The following SYT5 variants were observed in gnomAD, a reference collection of about 807,000 sequenced individuals.
The protein encoded by SYT5 is synaptotagmin 5, also known as synaptotagmin-5.
In SYT5, 29 loss-of-function variants were observed where a neutral mutation model predicts 36.0. The observed-to-expected ratio is 0.81, with a 90% CI of 0.60 to 1.10. The LOEUF is 1.10. Ranked by LOEUF, SYT5 falls within the 50% of genes least tolerant of loss-of-function variation. SYT5 has a pLI of 0.00. For missense variants in SYT5, 512 were observed against 516.0 expected (o/e 0.99, Z 0.08); for synonymous variants, 231 against 227.6 (o/e 1.02, Z -0.14).
chr19:55,173,931 G>C lies in SYT5; in HGVS notation c.961-247C>G. 2.4e-6 allele frequency: 1 copy of C among 408,776 alleles called. No homozygotes were observed. Among genetic ancestry groups the C allele is most frequent in the African/African-American group, 2.1e-5 (1 of 48,718 alleles). The allele number at this position is 408,776 out of a possible 1,614,324, so 25.3% of individuals were successfully genotyped here. ...AAATGAACCCTCAGGACTCGGTTGC[G>C]GAGCGGGTGTGTTCGGCGCCTCCTG... On this transcript the variant is annotated intron_variant, in intron 8 of 8. Transcript: ENST00000354308. This position sits in a 1 kb window ranked among gnomAD's most constrained non-coding sequence, Gnocchi z 5.4.
In SYT5 at chr19:55,175,957, G is replaced by A. The variant is rs775842890; in HGVS notation, c.372+48C>T. ...CCATGGCTCCTTTCAGAAGGGGTTG[G>A]AACCCCCGGGATCCTCCCTCCAAAG... On this transcript the variant is annotated intron_variant, in intron 4 of 8. Transcript: ENST00000354308. This position sits in a 1 kb window ranked among gnomAD's most constrained non-coding sequence, Gnocchi z 4.5. The A allele has an allele frequency of 1.2e-6, 2 of 1,613,580 alleles. No homozygotes were observed. The highest frequency in any genetic ancestry group is 1.1e-5 in the South Asian group (1 of 91,052).
Position 55,173,531 on chromosome 19 carries a change from G to T in SYT5, c.1114C>A (p.His372Asn). ...ACTCGGTCCGGGGGCCGCAGCGAGTGCCACTGGGCAATGGGCCGCCGCGGG... is the reference window on the plus strand; with the variant it reads ...ACTCGGTCCGGGGGCCGCAGCGAGTTCCACTGGGCAATGGGCCGCCGCGGG... ...ANPRRPIAQW[H>N]SLRPPDRVRL... The change falls in exon 9 of 9, where the codon CAC (histidine) becomes AAC (asparagine). Residue 372 changes from histidine (H) to asparagine (N), a missense_variant. Coordinates refer to ENST00000354308, the MANE Select transcript of SYT5 (RefSeq NM_003180.3). The surrounding 1 kb of genome is among the most constrained non-coding windows in gnomAD (Gnocchi z 5.4). 7.1e-7 allele frequency: 1 copy of T among 1,415,158 alleles called. No individual in the cohort carries two copies. The allele number at this position is 1,415,158 out of a possible 1,614,324, so 87.7% of individuals were successfully genotyped here. A position where few individuals can be genotyped will look rare whatever the true frequency, so the allele number is the denominator to read the frequency against.
chr19:55,174,492 T>G (rs768990847), intron 8 of SYT5, 25 bp downstream of exon 8: 6 of 1,610,706 alleles, frequency 3.7e-6, no homozygotes, highest in Non-Finnish European at 5.1e-6. Flanking sequence ...TCTGGGCTCT[T>G]GGAGAAGGGC....
rs773612584 is a variant in SYT5 at position 55,175,389 on chromosome 19, G to A, written c.541-50C>T. 2.0e-6 allele frequency: 3 copies of A among 1,485,304 alleles called. No homozygotes were observed. The highest frequency in any genetic ancestry group is 2.3e-5 in the East Asian group (1 of 43,248). 92.0% of individuals were successfully genotyped at this position (1,485,304 alleles called of 1,614,324 possible). A position where few individuals can be genotyped will look rare whatever the true frequency, so the allele number is the denominator to read the frequency against. On this transcript the variant is annotated intron_variant, in intron 5 of 8. Transcript: ENST00000354308. This position sits in a 1 kb window ranked among gnomAD's most constrained non-coding sequence, Gnocchi z 4.5. ...TAGAGAGCAGGAAGTCAGAGATAGG[G>A]TGAGGCACAGCACAACCAGAAGGAA...
At position 55,175,298 on chromosome 19, in the gene SYT5, C is replaced by A. The variant is rs765589097; in HGVS notation, c.582G>T (p.Ala194=). The A allele has an allele frequency of 6.3e-7, 1 of 1,577,828 alleles. No individual in the cohort carries two copies. The highest frequency in any genetic ancestry group is 8.6e-7 in the Non-Finnish European group (1 of 1,163,210). ...VELGGRVLVM[A]VYDFDRFSRN... is the part of the protein sequence containing the mutation. ...GAGAGAAGCGGTCGAAGTCGTACAC[C>A]GCCATGACCAGCACCCTGCCCCCCA... is the stretch of plus-strand genomic sequence containing the variant. The change falls in exon 6 of 9, where the codon GCG becomes GCT. Residue 194 remains alanine (A), a synonymous_variant. Transcript: ENST00000354308. This position sits in a 1 kb window ranked among gnomAD's most constrained non-coding sequence, Gnocchi z 4.5.
chr19:55,172,086 T>TG lies in SYT5; in HGVS notation c.*1397_*1398insC, dbSNP rs2086010218. ...CAACAGCGAAACTCCGTCTCAAAAT[T>TG]AAAAAAAAGAAGAAGAGAAGAAAAG... is the stretch of plus-strand genomic sequence containing the variant. On this transcript the variant is annotated 3_prime_UTR_variant, in exon 9 of 9. Transcript: ENST00000354308. The TG allele has an allele frequency of 6.9e-6, 1 of 145,000 alleles. No homozygotes were observed. The highest frequency in any genetic ancestry group is 2.6e-5 in the African/African-American group (1 of 39,184). The allele number at this position is 145,000 out of a possible 1,614,324, so 9.0% of individuals were successfully genotyped here. A position where few individuals can be genotyped will look rare whatever the true frequency, so the allele number is the denominator to read the frequency against.
chr19:55,174,082 G>A, intron 8 of SYT5: 1 of 206,470 alleles, frequency 4.8e-6, no homozygotes. Context: ...TGAGGAGGGC[G>A]GGGCATCCTG....
At chr19:55,174,177 TG>T (rs1317996182) in intron 8 of SYT5, 2 of 218,888 alleles carry the variant, frequency 9.1e-6, no homozygotes, top group Non-Finnish European at 1.8e-5. Flanking sequence ...TGGTCCTGCT[TG>T]GGGGCGGGGC....
intron 2 of SYT5, 48 bp downstream of exon 2, chr19:55,178,915 G>A (rs1356023479): frequency 2.8e-6 from 4 of 1,420,070 alleles, no homozygotes; most frequent in Non-Finnish European, 3.7e-6. Flanking sequence ...TCGGAATCCT[G>A]GCCAGGCTTT....
At chr19:55,178,768 T>G (rs1301070347) in intron 2 of SYT5, among the ~76,000 whole-genome samples, 195 bp downstream of exon 2, 12 of 128,906 alleles carry the variant, frequency 9.3e-5, no homozygotes, top group Non-Finnish European at 1.8e-4. Context: ...TTTTTTTTTT[T>G]TTTTTTTTTT....
Position 55,179,124 on chromosome 19 carries a change from C to T in SYT5, c.-45-38G>A, listed in dbSNP as rs959725217. On this transcript the variant is annotated intron_variant, in intron 1 of 8. Transcript: ENST00000354308. This position sits in a 1 kb window ranked among gnomAD's most constrained non-coding sequence, Gnocchi z 4.5. Reference sequence around the variant, plus strand: ...TCCCACCCCAGACGTCCTTTGAGCCCCACGCACAACAAAGAACTCCAACTC... The same window carrying T: ...TCCCACCCCAGACGTCCTTTGAGCCTCACGCACAACAAAGAACTCCAACTC... 1.9e-6 allele frequency: 3 copies of T among 1,543,480 alleles called. No homozygotes were observed. Among genetic ancestry groups the T allele is most frequent in the Admixed American group, 3.9e-5 (2 of 50,940 alleles).
intron 3 of SYT5, among the ~76,000 whole-genome samples, chr19:55,177,834 C>T (rs959457578): frequency 2.0e-5 from 3 of 152,178 alleles, no homozygotes; most frequent in East Asian, 3.8e-4. Flanking sequence ...GGATTACAGG[C>T]GTGAGCCACC....
chr19:55,173,430 G>A lies in SYT5; in HGVS notation c.*54C>T, dbSNP rs952927505. The A allele has an allele frequency of 1.5e-6, 2 of 1,305,182 alleles. No homozygotes were observed. The highest frequency in any genetic ancestry group is 1.5e-5 in the African/African-American group (1 of 64,676). 80.9% of individuals were successfully genotyped at this position (1,305,182 alleles called of 1,614,324 possible). A position where few individuals can be genotyped will look rare whatever the true frequency, so the allele number is the denominator to read the frequency against. ...CTGGCTTGGCTTTGGCCGGTCTCGG[G>A]AGTCTGGGGTCAGGGGCTAGAGTCC... On this transcript the variant is annotated 3_prime_UTR_variant, in exon 9 of 9. Transcript: ENST00000354308. This position sits in a 1 kb window ranked among gnomAD's most constrained non-coding sequence, Gnocchi z 5.4.
At position 55,175,618 on chromosome 19, in the gene SYT5, C is replaced by T. The variant is rs12460445; in HGVS notation, c.540+91G>A. 0.054 allele frequency: 81,596 copies of T among 1,520,034 alleles called. 6,849 individuals carry two copies. The highest frequency in any genetic ancestry group is 0.34 in the Admixed American group (18,297 of 53,420). The allele number at this position is 1,520,034 out of a possible 1,614,324, so 94.2% of individuals were successfully genotyped here. A position where few individuals can be genotyped will look rare whatever the true frequency, so the allele number is the denominator to read the frequency against. ...TGGTAGCTGCCACCTGAGCTGTGGCCGCCTCCAGGAAAAGCGGAAGGGGTC... is the reference window on the plus strand; with the variant it reads ...TGGTAGCTGCCACCTGAGCTGTGGCTGCCTCCAGGAAAAGCGGAAGGGGTC... On this transcript the variant is annotated intron_variant, in intron 5 of 8. Transcript: ENST00000354308. The surrounding 1 kb of genome is among the most constrained non-coding windows in gnomAD (Gnocchi z 4.5).
intron 8 of SYT5, among the ~76,000 whole-genome samples, chr19:55,174,194 G>A (rs749401385): frequency 6.6e-6 from 1 of 150,602 alleles, no homozygotes; most frequent in Non-Finnish European, 1.5e-5. Flanking sequence ...GGGGCATCCT[G>A]GTCCTGCTTG....
chr19:55,173,463 G>A lies in SYT5; in HGVS notation c.*21C>T. 1 of 1,348,726 alleles carries A rather than the reference G, an allele frequency of 7.4e-7. No homozygotes were observed. The highest frequency in any genetic ancestry group is 9.5e-7 in the Non-Finnish European group (1 of 1,051,932). 83.5% of individuals were successfully genotyped at this position (1,348,726 alleles called of 1,614,324 possible). On this transcript the variant is annotated 3_prime_UTR_variant, in exon 9 of 9. Coordinates refer to ENST00000354308, the MANE Select transcript of SYT5 (RefSeq NM_003180.3). The surrounding 1 kb of genome is among the most constrained non-coding windows in gnomAD (Gnocchi z 5.4). ...GGTCAGGGGCTAGAGTCCAGGCTTG[G>A]CCGGGGGCTTGGGGTGGGAGTCAGG...
In SYT5 at chr19:55,171,222, T is replaced by C. The variant is rs879535490; in HGVS notation, c.*2262A>G. 1 of 152,100 alleles carries C rather than the reference T, an allele frequency of 6.6e-6. No individual in the cohort carries two copies. The highest frequency in any genetic ancestry group is 1.5e-5 in the Non-Finnish European group (1 of 68,042). 9.4% of individuals were successfully genotyped at this position (152,100 alleles called of 1,614,324 possible). ...CAACTGGGAATAATGATCATGTTTA[T>C]TTCATGAGTTTGCTGTGAGGATTAT... On this transcript the variant is annotated 3_prime_UTR_variant, in exon 9 of 9. Transcript: ENST00000354308.
At position 55,175,718 on chromosome 19, in the gene SYT5, G is replaced by A; in HGVS notation, c.531C>T (p.Phe177=). ...QTLNPHFGET[F]AFKVPYVELG... ...GAAGGCAGGAGCTCACCTTGAAGGC[G>A]AAGGTCTCCCCAAAGTGAGGGTTCA... The change falls in exon 5 of 9, where the codon TTC becomes TTT. Residue 177 remains phenylalanine, a synonymous_variant. Coordinates refer to ENST00000354308, the MANE Select transcript of SYT5 (RefSeq NM_003180.3). The surrounding 1 kb of genome is among the most constrained non-coding windows in gnomAD (Gnocchi z 4.5). 3 of 1,613,616 alleles carry A rather than the reference G, an allele frequency of 1.9e-6. No homozygotes were observed. Among genetic ancestry groups the A allele is most frequent in the Non-Finnish European group, 2.5e-6 (3 of 1,180,002 alleles).
At chr19:55,178,534 T>A (rs1375263936) in intron 2 of SYT5, among the ~76,000 whole-genome samples, 166 bp from the exon 3 acceptor site, 1 of 152,140 alleles carries the variant, frequency 6.6e-6, no homozygotes, top group African/African-American at 2.4e-5. Context: ...TATAGAGAGA[T>A]TCGATGCCCC....
Sources: gnomAD v4.1 joint callset for allele counts (sites outside exome capture counted in the v4.1 genomes callset) on GRCh38, gnomAD v4.1.1 for gene constraint, Gnocchi (gnomAD v3.1) non-coding constraint, MANE v1.5 for transcripts, NCBI Gene and HGNC (gene_info 2026-07-23, HGNC 2026-07-21) for gene names.